The following GCLM variants were observed in gnomAD, a reference collection of about 807,000 sequenced individuals.
The protein encoded by GCLM is glutamate-cysteine ligase modifier subunit.
Under a neutral mutation model 36.0 loss-of-function variants are expected in GCLM, and 15 were observed. The ratio of observed to expected loss-of-function variants is 0.42; its 90% confidence interval spans 0.28 to 0.64. GCLM has a LOEUF of 0.64. Among genes scored for constraint, GCLM ranks in the 30% least tolerant of loss-of-function variants. The pLI, the probability that GCLM is intolerant of heterozygous loss-of-function variation, is 0.25. For synonymous variants in GCLM, 129 were observed against 122.8 expected, an observed-to-expected ratio of 1.05 and a Z score of -0.34; for missense variants, 242 against 325.5, an observed-to-expected ratio of 0.74 and a Z score of 1.97.
intron 6 of GCLM, among the ~76,000 whole-genome samples, chr1:93,893,312 C>T (rs1656602995): frequency 2.0e-5 from 3 of 152,144 alleles, no homozygotes; most frequent in Admixed American, 2.0e-4. Flanking sequence ...GATAATCTCT[C>T]TGAGGCATTT....
intron 5 of GCLM, among the ~76,000 whole-genome samples, chr1:93,896,278 G>C (rs1391165711): frequency 2.6e-5 from 4 of 151,706 alleles, no homozygotes; most frequent in Non-Finnish European, 5.9e-5. Context: ...TTTTCTTTAG[G>C]TATTATTGTT....
Position 93,909,260 on chromosome 1 carries a change from A to T in GCLM, c.-97T>A, listed in dbSNP as rs1657272365. 1 of 1,079,646 alleles carries T rather than the reference A, an allele frequency of 9.3e-7. No individual in the cohort carries two copies. Among genetic ancestry groups the T allele is most frequent in the Admixed American group, 5.2e-5 (1 of 19,226 alleles). The allele number at this position is 1,079,646 out of a possible 1,614,324, so 66.9% of individuals were successfully genotyped here. ...GGACGCGGTGCCCGAGGCCCGAGAG[A>T]GACCCGAGAGGGAGCGCGAGGCTGC... On this transcript the variant is annotated 5_prime_UTR_variant, in exon 1 of 7. Transcript: ENST00000370238.
rs35267053 is a variant in GCLM, at chr1:93,889,083, C to T, written c.732G>A (p.Pro244=). The T allele has an allele frequency of 4.7e-3, 7,525 of 1,602,062 alleles. 34 individuals carry two copies. Among genetic ancestry groups the T allele is most frequent in the Non-Finnish European group, 5.7e-3 (6,638 of 1,174,054 alleles). The change falls in exon 7 of 7, where the codon CCG becomes CCA. Residue 244 remains proline, a synonymous_variant. Coordinates refer to ENST00000370238, the MANE Select transcript of GCLM (RefSeq NM_002061.4). ...TGACCGAATACCGCAGTAGCCACAG[C>T]GGCACCCACTCGTGCGCTTGAATGT... ...IPDIQAHEWV[P]LWLLRYSVIV...
chr1:93,902,266 C>T (rs1374918763), intron 2 of GCLM, among the ~76,000 whole-genome samples: 3 of 20,238 alleles, frequency 1.5e-4, no homozygotes, highest in Non-Finnish European at 2.5e-4. Flanking sequence ...CAAGCTCTGC[C>T]TCCCGGGTTC....
chr1:93,906,463 C>G (rs1657150375), intron 1 of GCLM, among the ~76,000 whole-genome samples: 1 of 152,164 alleles, frequency 6.6e-6, no homozygotes, highest in Non-Finnish European at 1.5e-5. Flanking sequence ...CATTTGCACA[C>G]TTGAGGCTTT....
At position 93,887,565 on chromosome 1, in the gene GCLM, G is replaced by C. The variant is rs1656367482; in HGVS notation, c.*1425C>G. On this transcript the variant is annotated 3_prime_UTR_variant, in exon 7 of 7. Coordinates refer to ENST00000370238, the MANE Select transcript of GCLM (RefSeq NM_002061.4). ...GGCTCACTGTAACCTCCGCCTCCCG[G>C]GTTCAAGCGATTCTCCTGCCTCAGC... 2 of 151,318 alleles carry C rather than the reference G, an allele frequency of 1.3e-5. No individual in the cohort carries two copies. Among genetic ancestry groups the C allele is most frequent in the African/African-American group, 4.9e-5 (2 of 41,160 alleles). 9.4% of individuals were successfully genotyped at this position (151,318 alleles called of 1,614,324 possible).
intron 6 of GCLM, among the ~76,000 whole-genome samples, chr1:93,890,079 T>C (rs1656477355): frequency 6.6e-6 from 1 of 151,884 alleles, no homozygotes; most frequent in Non-Finnish European, 1.5e-5. Context: ...GCCTGGCTAA[T>C]TTTATATTTT....
At chr1:93,891,026 G>C (rs1316456429) in intron 6 of GCLM, among the ~76,000 whole-genome samples, 1 of 151,820 alleles carries the variant, frequency 6.6e-6, no homozygotes, top group Non-Finnish European at 1.5e-5. Flanking sequence ...AGAGGTGTGC[G>C]TCACCAAGGC....
chr1:93,904,340 G>A (rs928015358), intron 2 of GCLM, 183 bp downstream of exon 2: 19 of 582,702 alleles, frequency 3.3e-5, no homozygotes, highest in Non-Finnish European at 4.6e-5. Flanking sequence ...AGTTGCCTAC[G>A]GTCTAGATTT....
At chr1:93,892,977 A>T (rs368746924) in intron 6 of GCLM, among the ~76,000 whole-genome samples, 162 of 152,342 alleles carry the variant, frequency 1.1e-3, no homozygotes, top group African/African-American at 3.7e-3. Context: ...AATCAGCATA[A>T]CAATTTGTTA....
intron 2 of GCLM, 161 bp downstream of exon 2, chr1:93,904,362 C>A: frequency 1.6e-6 from 1 of 629,668 alleles, no homozygotes; most frequent in Non-Finnish European, 2.9e-6. Flanking sequence ...CTGTTTTATG[C>A]ATAAGCCTAC....
intron 6 of GCLM, among the ~76,000 whole-genome samples, chr1:93,893,503 T>C (rs759368135): frequency 2.0e-5 from 3 of 152,210 alleles, no homozygotes; most frequent in East Asian, 1.9e-4. Flanking sequence ...CCCACTGATA[T>C]TGTGTCATCT....
chr1:93,893,705 TTAA>T (rs1557727286), intron 6 of GCLM, among the ~76,000 whole-genome samples: 3 of 152,352 alleles, frequency 2.0e-5, no homozygotes, highest in South Asian at 4.1e-4. Context: ...TATACATTAC[TTAA>T]TAATATACAG....
chr1:93,896,575 G>T, intron 5 of GCLM, 43 bp downstream of exon 5: 1 of 1,491,618 alleles, frequency 6.7e-7, no homozygotes, highest in Non-Finnish European at 9.4e-7. Flanking sequence ...GACTGAAAAG[G>T]GCAAGTTCTT....
In GCLM at chr1:93,906,095, G is replaced by A. The variant is rs1056632113; in HGVS notation, c.127-1507C>T. On this transcript the variant is annotated intron_variant, in intron 1 of 6. Transcript: ENST00000370238. ...AAAACTGATACAATCACTTTACTAC[G>A]TATATCTTAGTACACATGATTACAA... is the stretch of plus-strand genomic sequence containing the variant. Among the ~76,000 whole-genome samples the A allele has an allele frequency of 2.3e-4, 35 of 152,176 alleles. 3 individuals are homozygous for A. Among genetic ancestry groups the A allele is most frequent in the East Asian group, 9.6e-4 (5 of 5,188 alleles).
intron 2 of GCLM, among the ~76,000 whole-genome samples, chr1:93,902,659 T>C (rs1490539672): frequency 6.6e-6 from 1 of 152,198 alleles, no homozygotes; most frequent in Admixed American, 6.5e-5. Context: ...TGAACCTACA[T>C]TGACATGTCA....
chr1:93,890,558 GCTTT>G (rs1423736509), intron 6 of GCLM, among the ~76,000 whole-genome samples: 1 of 152,180 alleles, frequency 6.6e-6, no homozygotes, highest in South Asian at 2.1e-4. Flanking sequence ...TACCAGCAAT[GCTTT>G]CTTTAAGCAT....
chr1:93,902,342 C>T (rs894200060), intron 2 of GCLM, among the ~76,000 whole-genome samples: 1 of 152,038 alleles, frequency 6.6e-6, no homozygotes, highest in African/African-American at 2.4e-5. Flanking sequence ...CCACGCCTGA[C>T]TAATTTTTTG....
chr1:93,907,574 AG>A (rs1310194205), intron 1 of GCLM, among the ~76,000 whole-genome samples: 1 of 152,220 alleles, frequency 6.6e-6, no homozygotes, highest in Non-Finnish European at 1.5e-5. Flanking sequence ...ATTGTGAGAT[AG>A]GTAAAATTTC....
Sources: gnomAD v4.1 joint callset for allele counts (sites outside exome capture counted in the v4.1 genomes callset) on GRCh38, gnomAD v4.1.1 for gene constraint, MANE v1.5 for transcripts, NCBI Gene and HGNC (gene_info 2026-07-23, HGNC 2026-07-21) for gene names.